Variants in HFM1 observed in about 807,000 individuals in gnomAD.
The protein encoded by HFM1 is probable ATP-dependent DNA helicase HFM1.
A neutral mutation model predicts 192.1 loss-of-function variants in HFM1; 169 were observed. That is an observed-to-expected ratio of 0.88 (90% CI 0.78 to 1.00). The LOEUF (loss-of-function observed/expected upper bound fraction) is 1.00, where lower values mean the gene tolerates loss of function less well. Among genes scored for constraint, HFM1 ranks in the 50% least tolerant of loss-of-function variants. HFM1 has a pLI of 0.00. For synonymous variants in HFM1, 525 were observed against 537.8 expected (o/e 0.98, Z 0.33); for missense variants, 1,661 against 1,668.0 (o/e 1.00, Z 0.07).
intron 30 of HFM1, among the ~76,000 whole-genome samples, chr1:91,305,881 T>C (rs1006173380): frequency 2.6e-5 from 4 of 152,204 alleles, no homozygotes; most frequent in Non-Finnish European, 5.9e-5. Flanking sequence ...TTTTTGCTTT[T>C]TTAAAGTATT....
At chr1:91,389,234 T>G (rs1177028790) in intron 4 of HFM1, among the ~76,000 whole-genome samples, 3 of 148,702 alleles carry the variant, frequency 2.0e-5, no homozygotes, top group African/African-American at 7.4e-5. Context: ...TGATCTCGGC[T>G]CACTGCAAGC....
At chr1:91,375,849 C>G in intron 11 of HFM1, 122 bp from the exon 12 acceptor site, 1 of 695,606 alleles carries the variant, frequency 1.4e-6, no homozygotes, top group South Asian at 1.9e-5. Context: ...AGTATGCTGT[C>G]TTTTTCAATA....
chr1:91,379,105 ATCATCCATTACT>A lies in HFM1; in HGVS notation c.1104_1115del (p.Val369_Asp372del). The A allele has an allele frequency of 6.3e-7, 1 of 1,599,452 alleles. No homozygotes were observed. The highest frequency in any genetic ancestry group is 1.1e-5 in the South Asian group (1 of 88,776). Reference sequence around the variant, plus strand: ...TATGGGCATGCTGAATCTCAAATAGATCATCCATTACTGTATCTCCAGTAAGTTCTTTACAAT... The same window carrying A: ...TATGGGCATGCTGAATCTCAAATAGAGTATCTCCAGTAAGTTCTTTACAAT... On this transcript the variant is annotated inframe_deletion, in exon 9 of 39. Transcript: ENST00000370425.
chr1:91,315,836 ACTT>A lies in HFM1; in HGVS notation c.3116_3118del (p.Gln1039_Val1040delinsLeu), dbSNP rs1212656938. 1 of 1,610,284 alleles carries A rather than the reference ACTT, an allele frequency of 6.2e-7. No homozygotes were observed. The highest frequency in any genetic ancestry group is 8.5e-7 in the Non-Finnish European group (1 of 1,177,852). ...TTACGTAATCTTGTGCAGATAAACT[ACTT>A]GATTATCTGCGTCACCTATGATTAA... On this transcript the variant is annotated inframe_deletion, in exon 28 of 39. Coordinates refer to ENST00000370425, the MANE Select transcript of HFM1 (RefSeq NM_001017975.6).
chr1:91,297,246 G>C (rs1209525744), intron 30 of HFM1, among the ~76,000 whole-genome samples: 2 of 152,182 alleles, frequency 1.3e-5, no homozygotes, highest in African/African-American at 4.8e-5. Flanking sequence ...TCCGGGGGAG[G>C]GGCACCCGCC....
intron 30 of HFM1, among the ~76,000 whole-genome samples, chr1:91,287,096 C>T (rs1283137613): frequency 6.6e-6 from 1 of 152,192 alleles, no homozygotes; most frequent in East Asian, 1.9e-4. Flanking sequence ...GGGTGCCCGC[C>T]ACTGCCCAGG....
At chr1:91,304,759 G>A (rs1410220886) in intron 30 of HFM1, among the ~76,000 whole-genome samples, 1 of 151,796 alleles carries the variant, frequency 6.6e-6, no homozygotes, top group African/African-American at 2.4e-5. Flanking sequence ...GATTACTGGT[G>A]TTAGCCACTG....
chr1:91,350,612 CTGT>C, intron 18 of HFM1, 123 bp downstream of exon 18: 2 of 735,908 alleles, frequency 2.7e-6, no homozygotes, highest in African/African-American at 1.8e-5. Context: ...GTATTTGGGA[CTGT>C]TGTTACCTTT....
rs41286781 is a variant in HFM1, at chr1:91,313,327, A to T, written c.3391+22T>A. ...CCATATCTTTGCTTTAATATAAAAT[A>T]GGAATTAATACAGCTATTTACCTTT... On this transcript the variant is annotated intron_variant, in intron 30 of 38. Coordinates refer to ENST00000370425, the MANE Select transcript of HFM1 (RefSeq NM_001017975.6). 6.0e-3 allele frequency: 8,546 copies of T among 1,422,810 alleles called. 74 individuals carry two copies. The highest frequency in any genetic ancestry group is 8.4e-3 in the Middle Eastern group (45 of 5,340). The allele number at this position is 1,422,810 out of a possible 1,614,324, so 88.1% of individuals were successfully genotyped here. A position where few individuals can be genotyped will look rare whatever the true frequency, so the allele number is the denominator to read the frequency against.
intron 34 of HFM1, among the ~76,000 whole-genome samples, chr1:91,269,009 C>T (rs1489750109): frequency 6.6e-6 from 1 of 152,092 alleles, no homozygotes; most frequent in Non-Finnish European, 1.5e-5. Context: ...GTGTTATTCA[C>T]AATGTAATGG....
At chr1:91,407,536 G>A (rs1664852013), upstream of HFM1, among the ~76,000 whole-genome samples, 1 of 152,046 alleles carries the variant, frequency 6.6e-6, no homozygotes, top group Non-Finnish European at 1.5e-5. Flanking sequence ...TTAGCATAAT[G>A]TTTTCAATGT....
At chr1:91,299,176 T>C (rs1189046228) in intron 30 of HFM1, among the ~76,000 whole-genome samples, 1 of 151,862 alleles carries the variant, frequency 6.6e-6, no homozygotes, top group Non-Finnish European at 1.5e-5. Context: ...CCAACAAAGA[T>C]CAAAAGACAC....
chr1:91,292,876 T>C (rs1481065697), intron 30 of HFM1, among the ~76,000 whole-genome samples: 10 of 151,968 alleles, frequency 6.6e-5, no homozygotes, highest in East Asian at 5.8e-4. Context: ...TGGAACAGAA[T>C]AGAGCCCTCA....
At position 91,264,361 on chromosome 1, in the gene HFM1, A is replaced by ATTTTTTTTTTTTTTTTTTTTTTTTTTTTT. The variant is rs71087940; in HGVS notation, c.3974+1627_3974+1655dup. Among the ~76,000 whole-genome samples, 30 of 57,090 alleles carry ATTTTTTTTTTTTTTTTTTTTTTTTTTTTT rather than the reference A, an allele frequency of 5.3e-4. 6 individuals are homozygous for ATTTTTTTTTTTTTTTTTTTTTTTTTTTTT. Among genetic ancestry groups the ATTTTTTTTTTTTTTTTTTTTTTTTTTTTT allele is most frequent in the Non-Finnish European group, 6.4e-4 (21 of 32,970 alleles). The allele number at this position is 57,090 out of a possible 152,430, so 37.5% of individuals were successfully genotyped here. On this transcript the variant is annotated intron_variant, in intron 36 of 38. Coordinates refer to ENST00000370425, the MANE Select transcript of HFM1 (RefSeq NM_001017975.6). ...TTCCAAGGGATACCACAAATTTAGT[A>ATTTTTTTTTTTTTTTTTTTTTTTTTTTTT]TTTTTTTTTTTTTTTTTTTTTTTTT...
intron 13 of HFM1, among the ~76,000 whole-genome samples, chr1:91,363,001 C>T (rs1444239242): frequency 2.6e-5 from 4 of 152,100 alleles, no homozygotes; most frequent in African/African-American, 4.8e-5. Context: ...TGGACCCCTT[C>T]CTTACACCCT....
chr1:91,394,281 A>T lies in HFM1; in HGVS notation c.306T>A (p.Asp102Glu). ...TACCTACCCCTTCTAAATTTAGATC[A>T]TCCTGTTCATATTTATCAGAAGGAA... ...FAFPSDKYEQ[D>E]DLNLEGVGNN... Residue 102 changes from aspartate to glutamate, a missense_variant, in exon 4 of 39, where the codon GAT (aspartate) becomes GAA (glutamate). By Grantham distance (45) the Asp-to-Glu change is conservative (BLOSUM62 2). Transcript: ENST00000370425. The T allele has an allele frequency of 6.3e-7, 1 of 1,595,094 alleles. No homozygotes were observed. Among genetic ancestry groups the T allele is most frequent in the Non-Finnish European group, 8.6e-7 (1 of 1,162,688 alleles).
intron 13 of HFM1, among the ~76,000 whole-genome samples, chr1:91,360,154 C>G (rs1490278659): frequency 1.3e-5 from 2 of 152,162 alleles, no homozygotes; most frequent in African/African-American, 4.8e-5. Context: ...TGAAAAATAA[C>G]CAGCTAGCAT....
intron 13 of HFM1, among the ~76,000 whole-genome samples, chr1:91,356,400 C>T (rs1157832143): frequency 3.3e-5 from 5 of 151,894 alleles, no homozygotes; most frequent in Admixed American, 2.0e-4. Context: ...TGTACCACCA[C>T]GCCTGGCTAA....
At chr1:91,333,285 T>G (rs990268930) in intron 20 of HFM1, among the ~76,000 whole-genome samples, 1 of 152,118 alleles carries the variant, frequency 6.6e-6, no homozygotes, top group Non-Finnish European at 1.5e-5. Flanking sequence ...AAGAATGAGA[T>G]CCTATCATTT....
Sources: gnomAD v4.1 joint callset for allele counts (sites outside exome capture counted in the v4.1 genomes callset) on GRCh38, gnomAD v4.1.1 for gene constraint, MANE v1.5 for transcripts, NCBI Gene and HGNC (gene_info 2026-07-23, HGNC 2026-07-21) for gene names.